TIMM17A: variants seen among roughly 807,000 people sequenced by gnomAD.
The protein encoded by TIMM17A is translocase of inner mitochondrial membrane 17A.
TIMM17A carries 15 observed loss-of-function variants against 26.5 expected under a neutral mutation model. That is an observed-to-expected ratio of 0.57 (90% confidence interval 0.38 to 0.87). The LOEUF is 0.87. TIMM17A is among the 40% of genes least tolerant of loss of function. The pLI is 0.00. For missense variants in TIMM17A, 201 were observed against 210.0 expected (o/e 0.96, Z 0.27); for synonymous variants, 80 against 70.8 (o/e 1.13, Z -0.66).
Position 201,957,319 on chromosome 1 carries a change from C to T in TIMM17A, c.65C>T (p.Thr22Met), listed in dbSNP as rs377250405. ...RIVDDCGGAFTMGTIGGGIFQ... is the reference protein window; with the variant it reads ...RIVDDCGGAFMMGTIGGGIFQ... Reference sequence around the variant, plus strand: ...GTGGATGACTGTGGTGGGGCCTTTACGATGGGTACCATTGGTGGTGGTATC... The same window carrying T: ...GTGGATGACTGTGGTGGGGCCTTTATGATGGGTACCATTGGTGGTGGTATC... Residue 22 changes from threonine (T) to methionine (M), a missense_variant, in exon 2 of 6, where the codon ACG (threonine) becomes ATG (methionine). Thr to Met is a moderately conservative substitution (Grantham distance 81, BLOSUM62 -1). Coordinates refer to ENST00000367287, the MANE Select transcript of TIMM17A (RefSeq NM_006335.3). The T allele has an allele frequency of 5.6e-6, 9 of 1,613,786 alleles. No individual in the cohort carries two copies. The highest frequency in any genetic ancestry group is 3.3e-5 in the Admixed American group (2 of 59,984).
At position 201,957,398 on chromosome 1, in the gene TIMM17A, C is replaced by G. The variant is rs377406508; in HGVS notation, c.126+18C>G. The stretch of plus-strand genomic sequence containing the variant: ...CTCCAGTGGTAAGTGGGTGAATGGT[C>G]TTATTTTATCATCACTTGCAACTTG... On this transcript the variant is annotated intron_variant, in intron 2 of 5. Coordinates refer to ENST00000367287, the MANE Select transcript of TIMM17A (RefSeq NM_006335.3). 5.6e-6 allele frequency: 9 copies of G among 1,602,706 alleles called. No individual in the cohort carries two copies. The Admixed American group carries it at 1.5e-4, about 27-fold the overall frequency.
At position 201,965,511 on chromosome 1, in the gene TIMM17A, T is replaced by C; in HGVS notation, c.398T>C (p.Leu133Ser). Residue 133 changes from leucine (L) to serine (S), a missense_variant, in exon 5 of 6, where the codon TTG becomes TCG. Coordinates refer to ENST00000367287, the MANE Select transcript of TIMM17A (RefSeq NM_006335.3). ...TTAATTGAAGGAGCTGGTATCTTGT[T>C]GACAAGATTTGCCTCTGCACAGTTT... is the stretch of plus-strand genomic sequence containing the variant. Reference protein sequence around the residue: ...LALIEGAGILLTRFASAQFPN... With the variant: ...LALIEGAGILSTRFASAQFPN... 1 of 1,613,870 alleles carries C rather than the reference T, an allele frequency of 6.2e-7. No homozygotes were observed. Among genetic ancestry groups the C allele is most frequent in the Non-Finnish European group, 8.5e-7 (1 of 1,179,686 alleles).
chr1:201,957,795 C>T (rs371082324), intron 3 of TIMM17A: 65 of 376,528 alleles, frequency 1.7e-4, no homozygotes, highest in African/African-American at 1.1e-3. Flanking sequence ...TTCAGACACT[C>T]GGTGATTTTT....
chr1:201,962,768 G>A (rs2486748), intron 3 of TIMM17A: 117,281 of 152,178 alleles, frequency 0.77, 45,674 homozygotes, highest in Non-Finnish European at 0.83. Context: ...ATGTTCCATA[G>A]TTCTAGCTAT....
chr1:201,967,488 T>C (rs543867232), intron 5 of TIMM17A, among the ~76,000 whole-genome samples: 28 of 145,256 alleles, frequency 1.9e-4, no homozygotes, highest in African/African-American at 6.0e-4. Flanking sequence ...TACTTTGTTT[T>C]AGGCTTTTTT....
rs754456851 is a variant in TIMM17A at position 201,957,236 on chromosome 1, G to A, written c.27-45G>A. On this transcript the variant is annotated intron_variant, in intron 1 of 5. Coordinates refer to ENST00000367287, the MANE Select transcript of TIMM17A (RefSeq NM_006335.3). The stretch of plus-strand genomic sequence containing the variant: ...CTGTATTGGCAAAGAAGATTTTATG[G>A]TTTGTGAATGAGAAATATGGTCTTT... 3.1e-6 allele frequency: 4 copies of A among 1,287,232 alleles called. No individual in the cohort carries two copies. In the Admixed American group the frequency reaches 7.1e-5, roughly 23 times the overall value. 79.7% of individuals were successfully genotyped at this position (1,287,232 alleles called of 1,614,324 possible). A position where few individuals can be genotyped will look rare whatever the true frequency, so the allele number is the denominator to read the frequency against.
chr1:201,958,611 G>A (rs1167975633), intron 3 of TIMM17A, among the ~76,000 whole-genome samples: 7 of 152,170 alleles, frequency 4.6e-5, no homozygotes, highest in African/African-American at 7.2e-5. Context: ...TGACATGGAC[G>A]GATCACTTGA....
intron 5 of TIMM17A, 144 bp downstream of exon 5, chr1:201,965,687 G>T (rs1682613860): frequency 3.1e-6 from 2 of 654,322 alleles, no homozygotes; most frequent in South Asian, 2.0e-5. Flanking sequence ...GGTAAAAAAT[G>T]AACATGTTAT....
At position 201,960,381 on chromosome 1, in the gene TIMM17A, C is replaced by T. The variant is rs139929543; in HGVS notation, c.190+2807C>T. On this transcript the variant is annotated intron_variant, in intron 3 of 5. Coordinates refer to ENST00000367287, the MANE Select transcript of TIMM17A (RefSeq NM_006335.3). ...TGCCATTGCACTCTAGCCTGGGCAACAGAGCAAGACTCTGTCTCAAAAAAA... is the reference window on the plus strand; with the variant it reads ...TGCCATTGCACTCTAGCCTGGGCAATAGAGCAAGACTCTGTCTCAAAAAAA... Among the ~76,000 whole-genome samples the T allele has an allele frequency of 6.1e-3, 916 of 150,520 alleles. 12 individuals carry two copies. The highest frequency in any genetic ancestry group is 0.021 in the African/African-American group (868 of 40,768).
chr1:201,964,065 A>G (rs560246373), intron 4 of TIMM17A, among the ~76,000 whole-genome samples: 1 of 152,330 alleles, frequency 6.6e-6, no homozygotes, highest in East Asian at 1.9e-4. Flanking sequence ...CCTGGGCAAC[A>G]GAGTGAGACC....
chr1:201,965,300 G>T (rs752862246), intron 4 of TIMM17A, 133 bp from the exon 5 acceptor site: 22 of 648,002 alleles, frequency 3.4e-5, no homozygotes, highest in Admixed American at 1.6e-4. Flanking sequence ...TACTGACTCT[G>T]GGTCTTAGGC....
chr1:201,959,981 A>C (rs1390197792), intron 3 of TIMM17A, among the ~76,000 whole-genome samples: 1 of 151,226 alleles, frequency 6.6e-6, no homozygotes, highest in Non-Finnish European at 1.5e-5. Flanking sequence ...AGCCAGGGTG[A>C]CAGCGAGACT....
intron 4 of TIMM17A, 109 bp downstream of exon 4, chr1:201,963,853 C>T (rs1682577005): frequency 8.2e-7 from 1 of 1,212,698 alleles, no homozygotes; most frequent in Non-Finnish European, 1.1e-6. Flanking sequence ...TGACCAGGCA[C>T]ATTGGCTCAT....
Position 201,957,535 on chromosome 1 carries a change from A to G in TIMM17A, c.151A>G (p.Ser51Gly). The change falls in exon 3 of 6, where the codon AGT (serine) becomes GGT (glycine). Residue 51 changes from serine (S) to glycine (G), a missense_variant. Coordinates refer to ENST00000367287, the MANE Select transcript of TIMM17A (RefSeq NM_006335.3). ...GGGAGTAAACCACAGACTACGAGGG[A>G]GTTTGACAGCTATTAAAACCAGGGC... ...PVGVNHRLRG[S>G]LTAIKTRAPQ... is the part of the protein sequence containing the mutation. 3 of 1,613,666 alleles carry G rather than the reference A, an allele frequency of 1.9e-6. No homozygotes were observed. Among genetic ancestry groups the G allele is most frequent in the Non-Finnish European group, 2.5e-6 (3 of 1,179,934 alleles).
At position 201,969,720 on chromosome 1, in the gene TIMM17A, G is replaced by C. The variant is rs550831612; in HGVS notation, c.*166G>C. 3.8e-6 allele frequency: 2 copies of C among 528,978 alleles called. No homozygotes were observed. Among genetic ancestry groups the C allele is most frequent in the Non-Finnish European group, 6.7e-6 (2 of 297,870 alleles). 32.8% of individuals were successfully genotyped at this position (528,978 alleles called of 1,614,324 possible). ...TCTATTTAAAGGAACAAGCGGGGAA[G>C]GGTGCTAAAAGATAATACGTTTATT... On this transcript the variant is annotated 3_prime_UTR_variant, in exon 6 of 6. Transcript: ENST00000367287.
At chr1:201,960,092 T>C (rs1682496077) in intron 3 of TIMM17A, among the ~76,000 whole-genome samples, 2 of 150,978 alleles carry the variant, frequency 1.3e-5, no homozygotes, top group South Asian at 2.1e-4. Context: ...GAATTAAGTA[T>C]GGACTTCAGT....
intron 4 of TIMM17A, among the ~76,000 whole-genome samples, chr1:201,964,869 C>T (rs1413082330): frequency 5.3e-5 from 8 of 151,262 alleles, no homozygotes; most frequent in African/African-American, 1.5e-4. Flanking sequence ...AGGATGGTCT[C>T]GATCTCCTGA....
rs1387101640 is a variant in TIMM17A at position 201,966,989 on chromosome 1, T to TG, written c.430+1447dup. 1.7e-4 allele frequency among the ~76,000 whole-genome samples: 7 copies of TG among 41,336 alleles called. No individual in the cohort carries two copies. In the South Asian group the frequency reaches 2.2e-3, roughly 13 times the overall value. The allele number at this position is 41,336 out of a possible 152,430, so 27.1% of individuals were successfully genotyped here. ...TATTATATATGTTGTATATTATATA[T>TG]GTTGTGTGTGTGTGTGTGTGTGTGT... On this transcript the variant is annotated intron_variant, in intron 5 of 5. Transcript: ENST00000367287.
Position 201,969,668 on chromosome 1 carries a change from G to T in TIMM17A, c.*114G>T. 1.3e-6 allele frequency: 1 copy of T among 785,800 alleles called. No individual in the cohort carries two copies. 48.7% of individuals were successfully genotyped at this position (785,800 alleles called of 1,614,324 possible). On this transcript the variant is annotated 3_prime_UTR_variant, in exon 6 of 6. Transcript: ENST00000367287. Reference sequence around the variant, plus strand: ...TAGGTGGGACAGCTATGGCCAATAGGCTATAAAGAGACATTTAGCACTTTT... The same window carrying T: ...TAGGTGGGACAGCTATGGCCAATAGTCTATAAAGAGACATTTAGCACTTTT...
Sources: gnomAD v4.1 joint callset for allele counts (sites outside exome capture counted in the v4.1 genomes callset) on GRCh38, gnomAD v4.1.1 for gene constraint, MANE v1.5 for transcripts, NCBI Gene and HGNC (gene_info 2026-07-23, HGNC 2026-07-21) for gene names.